The following HOOK3 variants were observed in gnomAD, a reference collection of about 807,000 sequenced individuals.
HOOK3 encodes protein Hook homolog 3.
A neutral mutation model predicts 116.3 loss-of-function variants in HOOK3; 24 were observed. The ratio of observed to expected loss-of-function variants is 0.21; its 90% CI spans 0.15 to 0.29. The LOEUF (loss-of-function observed/expected upper bound fraction) is 0.29, where lower values mean the gene tolerates loss of function less well. Ranked by LOEUF, HOOK3 falls within the 10% of genes least tolerant of loss-of-function variation. The pLI, the probability that HOOK3 is intolerant of heterozygous loss-of-function variation, is 1.00. For missense variants in HOOK3, 632 were observed against 830.2 expected (o/e 0.76, Z 2.93); for synonymous variants, 275 against 283.0 (o/e 0.97, Z 0.28).
At chr8:42,907,059 A>G (rs968704703) in intron 2 of HOOK3, among the ~76,000 whole-genome samples, 3 of 152,186 alleles carry the variant, frequency 2.0e-5, no homozygotes, top group Non-Finnish European at 4.4e-5. Flanking sequence ...TCAGCTTTTG[A>G]CCTAGGAATT....
chr8:42,929,694 T>G (rs1431098438), intron 3 of HOOK3, among the ~76,000 whole-genome samples: 7 of 152,198 alleles, frequency 4.6e-5, no homozygotes, highest in African/African-American at 1.7e-4. Flanking sequence ...ATTATTTTAC[T>G]ATAATTTTTG....
At chr8:42,950,714 C>G (rs1808323080) in intron 6 of HOOK3, among the ~76,000 whole-genome samples, 1 of 150,218 alleles carries the variant, frequency 6.7e-6, no homozygotes, top group Admixed American at 6.6e-5. Context: ...GAGACGGAGT[C>G]TCACTCTGTC....
intron 19 of HOOK3, among the ~76,000 whole-genome samples, chr8:43,011,195 G>A (rs1809604637): frequency 1.3e-5 from 2 of 152,044 alleles, no homozygotes; most frequent in African/African-American, 2.4e-5. Flanking sequence ...GGGTTTCACT[G>A]TGTTAGCCAG....
intron 11 of HOOK3, among the ~76,000 whole-genome samples, chr8:42,970,418 T>C (rs776942841): frequency 2.0e-5 from 3 of 152,196 alleles, no homozygotes; most frequent in Non-Finnish European, 4.4e-5. Flanking sequence ...TGCTTTCCCT[T>C]TAAACTCCAA....
intron 6 of HOOK3, among the ~76,000 whole-genome samples, chr8:42,951,602 A>G (rs1018177160): frequency 1.3e-5 from 2 of 152,228 alleles, no homozygotes; most frequent in Admixed American, 6.5e-5. Flanking sequence ...CTTAAGAGAA[A>G]TAGAAAAGCG....
rs1265373362 is a variant in HOOK3 at position 42,986,750 on chromosome 8, T to TA, written c.1488dup (p.Asp497ArgfsTer2). On this transcript the variant is annotated frameshift_variant, in exon 15 of 22. Coordinates refer to ENST00000307602, the MANE Select transcript of HOOK3 (RefSeq NM_032410.4). LOFTEE classifies it high-confidence loss of function. ...AAAATAGCCTTATTGCAGAGCCTTC[T>TA]AGATGATGCAAATCTACGCAAGAAT... is the stretch of plus-strand genomic sequence containing the variant. 2 of 1,613,996 alleles carry TA rather than the reference T, an allele frequency of 1.2e-6. No homozygotes were observed. The highest frequency in any genetic ancestry group is 1.7e-6 in the Non-Finnish European group (2 of 1,179,886).
intron 4 of HOOK3, among the ~76,000 whole-genome samples, chr8:42,940,199 A>G: frequency 6.6e-6 from 1 of 152,164 alleles, no homozygotes; most frequent in East Asian, 1.9e-4. Flanking sequence ...CACCATTGGC[A>G]CTGAGTGAAC....
At chr8:43,016,146 C>A (rs534943840) in intron 21 of HOOK3, among the ~76,000 whole-genome samples, 1 of 146,900 alleles carries the variant, frequency 6.8e-6, no homozygotes, top group South Asian at 2.1e-4. Context: ...TAAATGGAGT[C>A]TTTCTCTGTC....
intron 2 of HOOK3, among the ~76,000 whole-genome samples, chr8:42,911,556 A>G (rs1241851039): frequency 6.6e-6 from 1 of 152,202 alleles, no homozygotes; most frequent in African/African-American, 2.4e-5. Flanking sequence ...TTCTGGCTGC[A>G]GGTATAAAAT....
rs577972791 is a variant in HOOK3, at chr8:42,930,844, G to A, written c.267+672G>A. Among the ~76,000 whole-genome samples the A allele has an allele frequency of 4.6e-5, 7 of 152,214 alleles. No individual in the cohort carries two copies. The South Asian group carries it at 1.5e-3, about 32-fold the overall frequency. ...CTAATATCATCTGTAAGACCCATTAGTCAAACCTTCAAAATAGATCTTTCT... is the reference window on the plus strand; with the variant it reads ...CTAATATCATCTGTAAGACCCATTAATCAAACCTTCAAAATAGATCTTTCT... On this transcript the variant is annotated intron_variant, in intron 4 of 21. Transcript: ENST00000307602.
At chr8:42,964,272 G>A (rs1473911372) in intron 8 of HOOK3, 39 bp from the exon 9 acceptor site, 2 of 1,603,118 alleles carry the variant, frequency 1.2e-6, no homozygotes, top group Admixed American at 1.7e-5. Flanking sequence ...TGCCAGTGTA[G>A]TTGGAAGAAA....
intron 13 of HOOK3, among the ~76,000 whole-genome samples, chr8:42,976,060 G>A (rs1331254409): frequency 6.6e-6 from 1 of 151,670 alleles, no homozygotes; most frequent in East Asian, 1.9e-4. Flanking sequence ...GTGTGTGTGT[G>A]TGTATATATA....
Position 43,027,481 on chromosome 8 carries a change from G to T in HOOK3, c.*8983G>T. The T allele has an allele frequency of 2.2e-6, 1 of 463,346 alleles. No individual in the cohort carries two copies. Among genetic ancestry groups the T allele is most frequent in the Admixed American group, 2.7e-5 (1 of 37,106 alleles). 28.7% of individuals were successfully genotyped at this position (463,346 alleles called of 1,614,324 possible). A position where few individuals can be genotyped will look rare whatever the true frequency, so the allele number is the denominator to read the frequency against. On this transcript the variant is annotated 3_prime_UTR_variant, in exon 22 of 22. Coordinates refer to ENST00000307602, the MANE Select transcript of HOOK3 (RefSeq NM_032410.4). Reference sequence around the variant, plus strand: ...ACGTTTCTCTTCTACCTTACCCCCTGTTCTACTGACGTGCTTTGCATGAGA... The same window carrying T: ...ACGTTTCTCTTCTACCTTACCCCCTTTTCTACTGACGTGCTTTGCATGAGA...
rs190477880 is a variant in HOOK3, at chr8:43,019,678, A to G, written c.*1180A>G. ...AAACCACATTTATTTACATTGATGA[A>G]TGGGCTGTTGAATAATCATTGTAAA... On this transcript the variant is annotated 3_prime_UTR_variant, in exon 22 of 22. Transcript: ENST00000307602. 8.1e-4 allele frequency: 167 copies of G among 205,922 alleles called. No homozygotes were observed. The highest frequency in any genetic ancestry group is 3.5e-3 in the African/African-American group (156 of 43,982). The allele number at this position is 205,922 out of a possible 1,614,324, so 12.8% of individuals were successfully genotyped here.
chr8:42,940,469 G>A (rs909918176), intron 4 of HOOK3, among the ~76,000 whole-genome samples: 4 of 152,182 alleles, frequency 2.6e-5, no homozygotes, highest in East Asian at 3.9e-4. Flanking sequence ...GAGGGAGACC[G>A]TGGAAAGAGA....
rs1056890806 is a variant in HOOK3 at position 43,018,479 on chromosome 8, A to G, written c.2138A>G (p.Gln713Arg). ...SSRRSYPGHV[Q>R]PATAR ...AGAAGATCATACCCAGGCCACGTGC[A>G]GCCGGCCACAGCAAGGTAGAGAAGT... Residue 713 changes from glutamine (Q) to arginine (R), a missense_variant, in exon 22 of 22, where the codon CAG becomes CGG. By Grantham distance (43) the Gln-to-Arg change is conservative. Around this residue, in one of 3 missense-constraint regions of HOOK3, gnomAD observed 483 missense variants for 648.1 expected, o/e 0.75. Transcript: ENST00000307602. The G allele has an allele frequency of 1.2e-6, 2 of 1,612,000 alleles. No individual in the cohort carries two copies. Among genetic ancestry groups the G allele is most frequent in the Non-Finnish European group, 1.7e-6 (2 of 1,179,470 alleles).
chr8:42,978,455 G>T (rs1460325498), intron 13 of HOOK3, among the ~76,000 whole-genome samples: 9 of 150,540 alleles, frequency 6.0e-5, no homozygotes, highest in Non-Finnish European at 1.3e-4. Flanking sequence ...TTGTCCCCCA[G>T]GCTGGAGTGC....
intron 17 of HOOK3, among the ~76,000 whole-genome samples, chr8:43,005,197 C>CTA (rs1311073240): frequency 1.2e-3 from 69 of 56,876 alleles, no homozygotes; most frequent in East Asian, 2.7e-3. Flanking sequence ...CTCTCTCTCT[C>CTA]TCTATATATA....
chr8:43,000,213 C>T, intron 16 of HOOK3: 1 of 1,150,046 alleles, frequency 8.7e-7, no homozygotes, highest in Non-Finnish European at 1.2e-6. Context: ...CTCTTGGCTG[C>T]TGTGTTTGCT....
Sources: allele counts gnomAD v4.1 joint callset (sites outside exome capture counted in the v4.1 genomes callset), GRCh38; gene constraint gnomAD v4.1.1; regional missense constraint gnomAD v4.1.1; transcripts MANE v1.5; gene names NCBI Gene and HGNC (gene_info 2026-07-23, HGNC 2026-07-21).